The following SEPTIN6 variants were observed in gnomAD, a reference collection of about 807,000 sequenced individuals.
SEPTIN6 encodes the protein septin-6.
In SEPTIN6, 8 loss-of-function variants were observed where a neutral mutation model predicts 33.6. That is an observed-to-expected ratio of 0.24 (90% confidence interval 0.14 to 0.43). The LOEUF (loss-of-function observed/expected upper bound fraction) is 0.43, where lower values mean the gene tolerates loss of function less well. Ranked by LOEUF, SEPTIN6 falls within the 20% of genes least tolerant of loss-of-function variation. The probability of loss-of-function intolerance (pLI) is 1.00; values close to 1 mark genes in which losing one functional copy is unlikely to be tolerated. For missense variants in SEPTIN6, 250 were observed against 340.8 expected (o/e 0.73, Z 2.10); for synonymous variants, 131 against 140.0 (o/e 0.94, Z 0.45).
intron 1 of SEPTIN6, among the ~76,000 whole-genome samples, chrX:119,678,370 A>G (rs5957208): frequency 0.17 from 18,121 of 108,998 alleles, 2,426 homozygotes; most frequent in African/African-American, 0.44. Flanking sequence ...AATACAAAAA[A>G]TTAGCCGGGC....
chrX:119,647,239 A>G (rs1259335746), intron 5 of SEPTIN6, among the ~76,000 whole-genome samples: 1 of 109,197 alleles, frequency 9.2e-6, no homozygotes, highest in East Asian at 2.9e-4. Context: ...TCTCAAAAAA[A>G]AAACAAAGCA....
chrX:119,690,723 CAAA>C (rs772333455), intron 1 of SEPTIN6, among the ~76,000 whole-genome samples: 1 of 23,027 alleles, frequency 4.3e-5, no homozygotes. Context: ...GACTCCGTCT[CAAA>C]AAAAAAAAAA....
intron 5 of SEPTIN6, among the ~76,000 whole-genome samples, chrX:119,645,559 G>A (rs1171343458): frequency 2.7e-5 from 3 of 110,994 alleles, no homozygotes; most frequent in East Asian, 5.6e-4. Context: ...CACCATGCCC[G>A]GCTAATTTTG....
At chrX:119,642,968 G>A (rs1257621299) in intron 5 of SEPTIN6, among the ~76,000 whole-genome samples, 4 of 111,217 alleles carry the variant, frequency 3.6e-5, no homozygotes, top group Non-Finnish European at 5.7e-5. Flanking sequence ...GGTGGGTGTG[G>A]GGTGGAGGTG....
At chrX:119,630,872 A>C (rs1200518543) in intron 8 of SEPTIN6, among the ~76,000 whole-genome samples, 1 of 107,581 alleles carries the variant, frequency 9.3e-6, no homozygotes, top group Non-Finnish European at 1.9e-5. Flanking sequence ...CAGCCTGGGC[A>C]AGAGTGAGAC....
chrX:119,640,578 G>A (rs1468141234), intron 6 of SEPTIN6, 114 bp downstream of exon 6: 34 of 596,441 alleles, frequency 5.7e-5, no homozygotes, highest in East Asian at 4.4e-4. Context: ...GACCCATGCC[G>A]AATGAGCAGA....
At chrX:119,646,556 G>A (rs780315119) in intron 5 of SEPTIN6, among the ~76,000 whole-genome samples, 3 of 111,385 alleles carry the variant, frequency 2.7e-5, no homozygotes, top group African/African-American at 9.8e-5. Flanking sequence ...ACAAGACCTC[G>A]CTCTCCCTTC....
intron 8 of SEPTIN6, among the ~76,000 whole-genome samples, chrX:119,629,758 C>T (rs2053927038): frequency 1.8e-5 from 2 of 112,115 alleles, no homozygotes; most frequent in South Asian, 7.3e-4. Flanking sequence ...TGTGTTTAGT[C>T]AGACATTTTG....
At chrX:119,663,453 A>AACCCC in intron 3 of SEPTIN6, 29 bp downstream of exon 3, 1 of 293,587 alleles carries the variant, frequency 3.4e-6, no homozygotes. Flanking sequence ...CAACCTCCCC[A>AACCCC]CCCTACCCCA....
intron 5 of SEPTIN6, among the ~76,000 whole-genome samples, chrX:119,645,491 G>A (rs1457581056): frequency 1.8e-5 from 2 of 109,995 alleles, no homozygotes; most frequent in Non-Finnish European, 3.8e-5. Flanking sequence ...TCCGTCTCCT[G>A]GGTTCAAGCG....
At chrX:119,685,188 T>C (rs1019777611) in intron 1 of SEPTIN6, among the ~76,000 whole-genome samples, 1 of 112,213 alleles carries the variant, frequency 8.9e-6, no homozygotes, top group Non-Finnish European at 1.9e-5. Context: ...TTCTACTGCA[T>C]TGAAAGCAGG....
rs190848396 is a variant in SEPTIN6, at chrX:119,687,192, T to C, written c.30+5884A>G. Among the ~76,000 whole-genome samples, 7 of 111,074 alleles carry C rather than the reference T, an allele frequency of 6.3e-5. No homozygotes were observed. In the East Asian group the frequency reaches 2.0e-3, roughly 31 times the overall value. ...GAAAGAAACATGTTATATATATCCA[T>C]GGCTTTCCTTCTTTCCTTCTTTTTC... On this transcript the variant is annotated intron_variant, in intron 1 of 10. Transcript: ENST00000394610.
Position 119,619,130 on chromosome X carries a change from A to C in SEPTIN6, c.*963T>G. The C allele has an allele frequency of 2.3e-6, 2 of 871,498 alleles. No homozygotes were observed. The highest frequency in any genetic ancestry group is 2.8e-6 in the Non-Finnish European group (2 of 713,853). The allele number at this position is 871,498 out of a possible 1,213,427, so 71.8% of individuals were successfully genotyped here. A position where few individuals can be genotyped will look rare whatever the true frequency, so the allele number is the denominator to read the frequency against. ...ATTCACCAAATGAACTAGAAGACTCATCAGAGCAAACCCCCAAACACTTGA... is the reference window on the plus strand; with the variant it reads ...ATTCACCAAATGAACTAGAAGACTCCTCAGAGCAAACCCCCAAACACTTGA... On this transcript the variant is annotated 3_prime_UTR_variant, in exon 11 of 11. Transcript: ENST00000394610.
In SEPTIN6 at chrX:119,658,459, T is replaced by G. The variant is rs766858810; in HGVS notation, c.341+5023A>C. ...TCTGTTGGTAGAAATTTAGACTGTT[T>G]AAATTGTTTTTCATTCAATAACCAA... On this transcript the variant is annotated intron_variant, in intron 3 of 10. Coordinates refer to ENST00000394610, the MANE Select transcript of SEPTIN6 (RefSeq NM_145799.4). 3.2e-3 allele frequency among the ~76,000 whole-genome samples: 355 copies of G among 112,456 alleles called. 2 individuals are homozygous for G. Among genetic ancestry groups the G allele is most frequent in the African/African-American group, 0.011 (342 of 31,024 alleles).
intron 2 of SEPTIN6, among the ~76,000 whole-genome samples, chrX:119,667,792 A>G (rs1324030086): frequency 9.1e-6 from 1 of 110,292 alleles, no homozygotes; most frequent in Non-Finnish European, 1.9e-5. Flanking sequence ...CGATTCCAGC[A>G]GGAAACCTGA....
At position 119,663,605 on chromosome X, in the gene SEPTIN6, G is replaced by A. The variant is rs1231224061; in HGVS notation, c.218C>T (p.Thr73Ile). ...GAGCTGGACACCCGGCTGTGTGTGG[G>A]TGGCTGGCTCCCCTTCGAATTTGGT... ...FNTKFEGEPA[T>I]HTQPGVQLQS... Residue 73 changes from threonine (T) to isoleucine (I), a missense_variant, in exon 3 of 11, where the codon ACC becomes ATC. Transcript: ENST00000394610. 11 of 1,208,713 alleles carry A rather than the reference G, an allele frequency of 9.1e-6. No individual in the cohort carries two copies. Among genetic ancestry groups the A allele is most frequent in the Admixed American group, 6.6e-5 (3 of 45,594 alleles).
chrX:119,661,175 T>C (rs1402913902), intron 3 of SEPTIN6, among the ~76,000 whole-genome samples: 2 of 107,087 alleles, frequency 1.9e-5, no homozygotes, highest in Non-Finnish European at 3.8e-5. Context: ...CCTGTAATCC[T>C]AGCACTTTGG....
intron 7 of SEPTIN6, among the ~76,000 whole-genome samples, chrX:119,635,484 G>A (rs1436278600): frequency 9.0e-6 from 1 of 111,362 alleles, no homozygotes; most frequent in Non-Finnish European, 1.9e-5. Context: ...TGAAGAAAAC[G>A]AGCCTGCAAA....
chrX:119,628,899 C>T (rs772000078), intron 9 of SEPTIN6: 1 of 115,793 alleles, frequency 8.6e-6, no homozygotes, highest in African/African-American at 3.3e-5. Flanking sequence ...TTCCTCCTGC[C>T]TTGGCTTCCC....
Sources: gnomAD v4.1 joint callset for allele counts (sites outside exome capture counted in the v4.1 genomes callset) on GRCh38, gnomAD v4.1.1 for gene constraint, MANE v1.5 for transcripts, NCBI Gene and HGNC (gene_info 2026-07-23, HGNC 2026-07-21) for gene names.